Variants in MICAL3 observed in about 807,000 individuals in gnomAD.
MICAL3 encodes the protein microtubule associated monooxygenase, calponin and LIM domain containing 3.
In MICAL3, 62 loss-of-function variants were observed where a neutral mutation model predicts 207.4. The ratio of observed to expected loss-of-function variants is 0.30; its 90% CI spans 0.24 to 0.37. The LOEUF (loss-of-function observed/expected upper bound fraction) is 0.37. MICAL3 is among the 10% of genes least tolerant of loss of function. MICAL3 has a pLI of 1.00. For synonymous variants in MICAL3, 1,077 were observed against 1,069.3 expected (o/e 1.01, Z -0.14); for missense variants, 2,368 against 2,635.6 (o/e 0.90, Z 2.22).
At chr22:17,935,532 G>A (rs1933474857) in intron 1 of MICAL3, among the ~76,000 whole-genome samples, 2 of 152,322 alleles carry the variant, frequency 1.3e-5, no homozygotes, top group South Asian at 4.1e-4. Context: ...AGGACTTAAT[G>A]AGTAAAACAC....
chr22:17,925,057 A>AT (rs1404261576), intron 1 of MICAL3, among the ~76,000 whole-genome samples: 1 of 152,160 alleles, frequency 6.6e-6, no homozygotes, highest in Non-Finnish European at 1.5e-5. Flanking sequence ...CAAACTGGAT[A>AT]TTGGGCTCTG....
chr22:17,994,180 A>C (rs975527608), intron 1 of MICAL3, among the ~76,000 whole-genome samples: 14 of 152,158 alleles, frequency 9.2e-5, no homozygotes, highest in African/African-American at 3.4e-4. Context: ...ACAGCCTGAC[A>C]ATTCTCAGCC....
At chr22:17,821,551 C>G in intron 24 of MICAL3, 42 bp from the exon 25 acceptor site, 2 of 1,494,522 alleles carry the variant, frequency 1.3e-6, no homozygotes, top group Admixed American at 2.2e-5. Context: ...GGAAGCCCCC[C>G]CATGTGCCAG....
At chr22:17,889,350 C>T (rs1482783009) in intron 12 of MICAL3, 120 bp from the exon 13 acceptor site, 15 of 664,480 alleles carry the variant, frequency 2.3e-5, no homozygotes, top group South Asian at 1.4e-4. Context: ...TGCTGTGCAT[C>T]GCTGACATTT....
chr22:17,888,940 G>A, intron 13 of MICAL3, 94 bp downstream of exon 13: 1 of 781,322 alleles, frequency 1.3e-6, no homozygotes, highest in East Asian at 2.8e-5. Context: ...TTTGTGTTTG[G>A]TGGCACTGCT....
intron 29 of MICAL3, among the ~76,000 whole-genome samples, chr22:17,804,490 A>C (rs2061970381): frequency 6.6e-6 from 1 of 152,222 alleles, no homozygotes; most frequent in South Asian, 2.1e-4. Context: ...TAACAACAGG[A>C]AACGAGCAGA....
chr22:17,984,502 A>T (rs1936066153), intron 1 of MICAL3, among the ~76,000 whole-genome samples: 1 of 151,902 alleles, frequency 6.6e-6, no homozygotes, highest in South Asian at 2.1e-4. Flanking sequence ...ATTGACCCAC[A>T]CCTCACTGCT....
chr22:17,900,798 T>G lies in MICAL3; in HGVS notation c.847+44A>C. 1 of 1,594,420 alleles carries G rather than the reference T, an allele frequency of 6.3e-7. No individual in the cohort carries two copies. Among genetic ancestry groups the G allele is most frequent in the South Asian group, 1.1e-5 (1 of 89,840 alleles). On this transcript the variant is annotated intron_variant, in intron 6 of 31. Coordinates refer to ENST00000441493, the MANE Select transcript of MICAL3 (RefSeq NM_015241.3). The surrounding 1 kb of genome is among the most constrained non-coding windows in gnomAD (Gnocchi z 4.0). The stretch of plus-strand genomic sequence containing the variant: ...CCCCCAAGAAAAAGCCACCAGGGAC[T>G]ATTTAAGTTTCTATCCTAGGGCTCC...
chr22:17,820,972 A>T (rs1296706), intron 25 of MICAL3, among the ~76,000 whole-genome samples: 3 of 102,048 alleles, frequency 2.9e-5, no homozygotes, highest in Non-Finnish European at 7.2e-5. Context: ...ATAAATTTAT[A>T]TTTATAAACA....
intron 29 of MICAL3, chr22:17,803,819 T>G (rs1458829084): frequency 1.0e-6 from 1 of 985,618 alleles, no homozygotes; most frequent in African/African-American, 1.7e-5. Flanking sequence ...ACCACCCAGA[T>G]GCAAGTCGAT....
chr22:18,001,229 T>C, intron 1 of MICAL3: 1 of 151,948 alleles, frequency 6.6e-6, no homozygotes. Context: ...GCTTCGGCAC[T>C]GCCCGGGCGG....
chr22:17,859,363 C>A (rs1000800472), intron 19 of MICAL3, among the ~76,000 whole-genome samples: 1 of 152,202 alleles, frequency 6.6e-6, no homozygotes, highest in Admixed American at 6.5e-5. Context: ...CAGGTGCAGA[C>A]TCGGGGCTGA....
intron 1 of MICAL3, among the ~76,000 whole-genome samples, chr22:17,984,295 C>G (rs569837198): frequency 5.3e-4 from 80 of 152,370 alleles, no homozygotes; most frequent in African/African-American, 1.8e-3. Flanking sequence ...AAGGAACTAA[C>G]ATTCCCCAAC....
chr22:17,874,847 C>T (rs1157102167), intron 16 of MICAL3, among the ~76,000 whole-genome samples: 3 of 152,018 alleles, frequency 2.0e-5, no homozygotes, highest in Non-Finnish European at 4.4e-5. Flanking sequence ...TCAGATCCCG[C>T]CGCACACCAT....
intron 2 of MICAL3, among the ~76,000 whole-genome samples, chr22:17,905,142 T>A (rs1165869028): frequency 6.6e-6 from 1 of 152,186 alleles, no homozygotes; most frequent in African/African-American, 2.4e-5. Flanking sequence ...GTGGCCATCA[T>A]CTCAACAAAC....
In MICAL3 at chr22:17,810,734, T is replaced by C. The variant is rs2062039295; in HGVS notation, c.5525A>G (p.Gln1842Arg). Reference sequence around the variant, plus strand: ...TCGATGCAGCCGCTTAAGCTCCTCCTGCTTGGCCTGTCTCCGAGCTGCCTT... The same window carrying C: ...TCGATGCAGCCGCTTAAGCTCCTCCCGCTTGGCCTGTCTCCGAGCTGCCTT... ...VQKAARRQAK[Q>R]EELKRLHRAQ... Residue 1842 changes from glutamine (Q) to arginine (R), a missense_variant, in exon 28 of 32, where the codon CAG becomes CGG. Around this residue, in one of 4 missense-constraint regions of MICAL3, gnomAD observed 1,770 missense variants for 1,863.2 expected, o/e 0.95. Transcript: ENST00000441493. 1.9e-6 allele frequency: 3 copies of C among 1,613,962 alleles called. No homozygotes were observed. The highest frequency in any genetic ancestry group is 1.1e-5 in the South Asian group (1 of 91,088).
chr22:17,977,833 G>C (rs1935723144), intron 1 of MICAL3, among the ~76,000 whole-genome samples: 1 of 152,020 alleles, frequency 6.6e-6, no homozygotes, highest in Non-Finnish European at 1.5e-5. Context: ...AGACCAGCCT[G>C]ACCAACATGG....
chr22:17,917,754 C>T lies in MICAL3; in HGVS notation c.-74-10868G>A, dbSNP rs2146290916. Among the ~76,000 whole-genome samples the T allele has an allele frequency of 2.0e-5, 3 of 152,334 alleles. 1 individual carries two copies. In the South Asian group the frequency reaches 6.2e-4, roughly 32 times the overall value. On this transcript the variant is annotated intron_variant, in intron 1 of 31. Coordinates refer to ENST00000441493, the MANE Select transcript of MICAL3 (RefSeq NM_015241.3). ...CTGCCCTGGCCAGCCATGCAGAGTG[C>T]CCCTCGCTCTTCAGGTCTTGGCTCA...
intron 1 of MICAL3, among the ~76,000 whole-genome samples, chr22:18,020,780 G>A (rs1300780076): frequency 6.6e-6 from 1 of 151,664 alleles, no homozygotes; most frequent in Admixed American, 6.6e-5. Flanking sequence ...CGGGTATGGT[G>A]GTGGGCACCT....
Sources: gnomAD v4.1 joint callset for allele counts (sites outside exome capture counted in the v4.1 genomes callset) on GRCh38, gnomAD v4.1.1 for gene constraint, gnomAD v4.1.1 regional missense constraint, Gnocchi (gnomAD v3.1) non-coding constraint, MANE v1.5 for transcripts, NCBI Gene and HGNC (gene_info 2026-07-23, HGNC 2026-07-21) for gene names.